Variants in NCAM1 observed in about 807,000 individuals in gnomAD.
NCAM1 encodes the protein neural cell adhesion molecule 1.
A neutral mutation model predicts 109.8 loss-of-function variants in NCAM1; 14 were observed. That is an observed-to-expected ratio of 0.13 (90% confidence interval 0.08 to 0.20). NCAM1 has a LOEUF of 0.20. Ranked by LOEUF, NCAM1 falls within the 10% of genes least tolerant of loss-of-function variation. The pLI is 1.00. For synonymous variants in NCAM1, 418 were observed against 442.9 expected, an observed-to-expected ratio of 0.94 and a Z score of 0.70; for missense variants, 774 against 1,109.9, an observed-to-expected ratio of 0.70 and a Z score of 4.30.
At chr11:113,025,201 A>G (rs1280011440) in intron 1 of NCAM1, among the ~76,000 whole-genome samples, 1 of 152,192 alleles carries the variant, frequency 6.6e-6, no homozygotes, top group Non-Finnish European at 1.5e-5. Context: ...AGGATTTGCT[A>G]AACACTTAAA....
chr11:113,178,110 A>G (rs1217219109), intron 1 of NCAM1, among the ~76,000 whole-genome samples: 1 of 152,224 alleles, frequency 6.6e-6, no homozygotes, highest in Non-Finnish European at 1.5e-5. Flanking sequence ...ATAAATGCAA[A>G]TACGGTCCCA....
At position 112,963,419 on chromosome 11, in the gene NCAM1, C is replaced by T. The variant is rs1591191363; in HGVS notation, c.52+1755C>T. ...GCGGAATCCGGGCCTGAGCGCGTCG[C>T]CGGGGAGGGCATCCTGGCAGGCACA... On this transcript the variant is annotated intron_variant, in intron 1 of 19. Coordinates refer to ENST00000316851, the MANE Select transcript of NCAM1 (RefSeq NM_181351.5). This position sits in a 1 kb window ranked among gnomAD's most constrained non-coding sequence, Gnocchi z 4.6. 1 of 152,200 alleles carries T rather than the reference C, an allele frequency of 6.6e-6. No individual in the cohort carries two copies. Among genetic ancestry groups the T allele is most frequent in the Non-Finnish European group, 1.5e-5 (1 of 68,074 alleles). 9.4% of individuals were successfully genotyped at this position (152,200 alleles called of 1,614,324 possible).
chr11:113,026,987 C>A (rs112629322), intron 1 of NCAM1, among the ~76,000 whole-genome samples: 3 of 152,296 alleles, frequency 2.0e-5, no homozygotes, highest in African/African-American at 7.2e-5. Flanking sequence ...GATTAGCAAC[C>A]TTGAATGCTA....
Position 113,172,242 on chromosome 11 carries a change from G to A in NCAM1, c.53-30137G>A, listed in dbSNP as rs553720643. 5.3e-5 allele frequency among the ~76,000 whole-genome samples: 8 copies of A among 152,274 alleles called. No individual in the cohort carries two copies. In the South Asian group the frequency reaches 1.0e-3, roughly 20 times the overall value. ...CCTTAGTTTTGTCCCGTCAGCCCAG[G>A]CTGGGTGGTGGTACTTCTTCCAAGC... On this transcript the variant is annotated intron_variant, in intron 1 of 19. Transcript: ENST00000316851.
At chr11:113,045,610 A>G (rs1442653091) in intron 1 of NCAM1, among the ~76,000 whole-genome samples, 1 of 152,232 alleles carries the variant, frequency 6.6e-6, no homozygotes, top group African/African-American at 2.4e-5. Context: ...TGAGGTTCTT[A>G]AATGCCATTA....
Position 113,275,658 on chromosome 11 carries a change from C to T in NCAM1, c.*271C>T. 3.2e-6 allele frequency: 1 copy of T among 313,896 alleles called. No individual in the cohort carries two copies. The highest frequency in any genetic ancestry group is 5.9e-5 in the South Asian group (1 of 16,938). The allele number at this position is 313,896 out of a possible 1,614,324, so 19.4% of individuals were successfully genotyped here. A position where few individuals can be genotyped will look rare whatever the true frequency, so the allele number is the denominator to read the frequency against. On this transcript the variant is annotated 3_prime_UTR_variant, in exon 20 of 20. Coordinates refer to ENST00000316851, the MANE Select transcript of NCAM1 (RefSeq NM_181351.5). The stretch of plus-strand genomic sequence containing the variant: ...CAAAAAGGTTAAACCCACAGCCAAA[C>T]TAGGACACTCCGTTCCCTGAAACCG...
intron 1 of NCAM1, among the ~76,000 whole-genome samples, chr11:113,199,012 T>C (rs1943945663): frequency 6.6e-6 from 1 of 152,202 alleles, no homozygotes; most frequent in Non-Finnish European, 1.5e-5. Context: ...GAGTGCTTCT[T>C]GGAGGCGTGG....
rs532788811 is a variant in NCAM1, at chr11:112,973,080, TG to T, written c.52+11417del. ...AGTTGATTATTTTTAGATTCAGTTT[TG>T]TCTTCTTACCTCATTGCCTGTGGTG... On this transcript the variant is annotated intron_variant, in intron 1 of 19. Coordinates refer to ENST00000316851, the MANE Select transcript of NCAM1 (RefSeq NM_181351.5). 5.3e-5 allele frequency among the ~76,000 whole-genome samples: 8 copies of T among 152,308 alleles called. No individual in the cohort carries two copies. The South Asian group carries it at 1.7e-3, about 32-fold the overall frequency.
intron 1 of NCAM1, among the ~76,000 whole-genome samples, chr11:112,968,704 T>G (rs1423807040): frequency 1.3e-5 from 2 of 152,124 alleles, no homozygotes; most frequent in Non-Finnish European, 2.9e-5. Context: ...GATTCAAGTC[T>G]AAGAAAAACC....
chr11:113,243,459 T>A (rs1392365983), intron 14 of NCAM1: 4 of 427,188 alleles, frequency 9.4e-6, no homozygotes, highest in Non-Finnish European at 1.9e-5. Context: ...TAATCCAGGC[T>A]CCCCTTGGGT....
chr11:113,104,665 G>A (rs797037512), intron 1 of NCAM1, among the ~76,000 whole-genome samples: 3 of 152,110 alleles, frequency 2.0e-5, no homozygotes, highest in Admixed American at 6.6e-5. Context: ...TAATTTGAAC[G>A]ATGCAAAACA....
chr11:113,044,483 G>A (rs1292965214), intron 1 of NCAM1, among the ~76,000 whole-genome samples: 3 of 151,960 alleles, frequency 2.0e-5, no homozygotes, highest in African/African-American at 4.8e-5. Context: ...TCAAGAGTTC[G>A]AGACCAGCCT....
At chr11:113,086,771 A>C (rs1179466066) in intron 1 of NCAM1, among the ~76,000 whole-genome samples, 3 of 152,226 alleles carry the variant, frequency 2.0e-5, no homozygotes, top group Non-Finnish European at 2.9e-5. Context: ...AAACTTAGAC[A>C]AATTTCCAGC....
intron 1 of NCAM1, among the ~76,000 whole-genome samples, chr11:113,080,727 A>G (rs1938771398): frequency 6.6e-6 from 1 of 152,252 alleles, no homozygotes; most frequent in East Asian, 1.9e-4. Context: ...ATTGGATCGT[A>G]CACATGGAGC....
At chr11:113,209,358 A>G (rs1261324639) in intron 7 of NCAM1, among the ~76,000 whole-genome samples, 1 of 152,244 alleles carries the variant, frequency 6.6e-6, no homozygotes, top group Non-Finnish European at 1.5e-5. Flanking sequence ...AGTTAGGTTC[A>G]AGTTAACCGT....
chr11:113,048,233 T>G (rs926309597), intron 1 of NCAM1, among the ~76,000 whole-genome samples: 4 of 152,238 alleles, frequency 2.6e-5, no homozygotes, highest in Admixed American at 2.6e-4. Context: ...CATTGCTATC[T>G]GTTCCAAGAA....
At chr11:113,036,683 C>G (rs531620955) in intron 1 of NCAM1, among the ~76,000 whole-genome samples, 1 of 152,258 alleles carries the variant, frequency 6.6e-6, no homozygotes, top group South Asian at 2.1e-4. Context: ...TTCCTTGGAG[C>G]CCTTTGCTAT....
chr11:113,191,008 C>T (rs1555109774), intron 1 of NCAM1, among the ~76,000 whole-genome samples: 4 of 152,204 alleles, frequency 2.6e-5, no homozygotes, highest in African/African-American at 7.2e-5. Context: ...TATGGATCAT[C>T]AAAGGATAAT....
intron 1 of NCAM1, among the ~76,000 whole-genome samples, chr11:113,184,126 G>A (rs1458463581): frequency 6.6e-6 from 1 of 152,154 alleles, no homozygotes; most frequent in African/African-American, 2.4e-5. Context: ...TTGTAGAGAG[G>A]AGGGGAAAAA....
Sources: allele counts gnomAD v4.1 joint callset (sites outside exome capture counted in the v4.1 genomes callset), GRCh38; gene constraint gnomAD v4.1.1; non-coding constraint Gnocchi (gnomAD v3.1); transcripts MANE v1.5; gene names NCBI Gene and HGNC (gene_info 2026-07-23, HGNC 2026-07-21).